Variants in CSMD1 observed in about 807,000 individuals in gnomAD.
The protein encoded by CSMD1 is CUB and sushi domain-containing protein 1.
Under a neutral mutation model 417.5 loss-of-function variants are expected in CSMD1, and 213 were observed. The ratio of observed to expected loss-of-function variants is 0.51; its 90% CI spans 0.46 to 0.57. The LOEUF (loss-of-function observed/expected upper bound fraction) is 0.57. Ranked by LOEUF, CSMD1 falls within the 20% of genes least tolerant of loss-of-function variation. CSMD1 has a pLI of 0.00. For synonymous variants in CSMD1, 2,862 were observed against 1,736.8 expected, an observed-to-expected ratio of 1.65 and a Z score of -16.11; for missense variants, 6,923 against 4,529.7, an observed-to-expected ratio of 1.53 and a Z score of -15.17.
chr8:3,022,190 A>C (rs1279687027), intron 51 of CSMD1, among the ~76,000 whole-genome samples: 2 of 147,290 alleles, frequency 1.4e-5, no homozygotes, highest in African/African-American at 5.1e-5. Flanking sequence ...ATCCCACAGC[A>C]TCCGGAATGC....
At chr8:3,295,286 G>C (rs1006852016) in intron 25 of CSMD1, among the ~76,000 whole-genome samples, 1 of 151,724 alleles carries the variant, frequency 6.6e-6, no homozygotes, top group Admixed American at 6.6e-5. Context: ...CACCACACAT[G>C]GCTAATTTTT....
chr8:3,462,340 G>A (rs1038703934), intron 12 of CSMD1, among the ~76,000 whole-genome samples: 4 of 152,126 alleles, frequency 2.6e-5, no homozygotes, highest in African/African-American at 9.7e-5. Flanking sequence ...CAACCCCCAG[G>A]CCAGGGACCA....
chr8:4,273,149 CTTACCT>C (rs1329383008), intron 3 of CSMD1, among the ~76,000 whole-genome samples: 4 of 152,104 alleles, frequency 2.6e-5, no homozygotes, highest in Non-Finnish European at 4.4e-5. Context: ...ACCATTTACT[CTTACCT>C]TTATCTTTTA....
chr8:4,230,872 G>A (rs867721081), intron 3 of CSMD1, among the ~76,000 whole-genome samples: 1 of 151,982 alleles, frequency 6.6e-6, no homozygotes, highest in Non-Finnish European at 1.5e-5. Context: ...TTCTTTAACG[G>A]CACTAACTTG....
At chr8:4,738,935 G>C (rs981178233) in intron 1 of CSMD1, among the ~76,000 whole-genome samples, 4 of 146,232 alleles carry the variant, frequency 2.7e-5, no homozygotes, top group African/African-American at 1.0e-4. Flanking sequence ...GTGTTAGAAG[G>C]CAATGTCCAA....
At position 4,117,005 on chromosome 8, in the gene CSMD1, T is replaced by G. The variant is rs535395769; in HGVS notation, c.416-84906A>C. Among the ~76,000 whole-genome samples the G allele has an allele frequency of 1.6e-4, 24 of 152,102 alleles. No homozygotes were observed. In the South Asian group the frequency reaches 4.4e-3, roughly 28 times the overall value. ...AGTGACTATCTTCAGTAAGATGGCC[T>G]GACGCTTAACCTTTTTTTTTCTTTT... is the stretch of plus-strand genomic sequence containing the variant. On this transcript the variant is annotated intron_variant, in intron 3 of 69. Transcript: ENST00000635120.
chr8:4,252,754 C>T (rs1230556062), intron 3 of CSMD1, among the ~76,000 whole-genome samples: 3 of 152,194 alleles, frequency 2.0e-5, no homozygotes, highest in Admixed American at 6.5e-5. Flanking sequence ...TTAGATGGGA[C>T]TGCAGTGGCA....
chr8:3,143,597 G>C (rs1818645157), intron 40 of CSMD1, among the ~76,000 whole-genome samples: 1 of 151,966 alleles, frequency 6.6e-6, no homozygotes, highest in Non-Finnish European at 1.5e-5. Context: ...AATTTATATA[G>C]AACTCCAAAG....
At chr8:3,409,945 C>G (rs920135407) in intron 12 of CSMD1, among the ~76,000 whole-genome samples, 1 of 152,148 alleles carries the variant, frequency 6.6e-6, no homozygotes, top group Non-Finnish European at 1.5e-5. Context: ...ATGCAAATAC[C>G]AGTTTAATTT....
chr8:4,787,679 C>T, intron 1 of CSMD1: 7 of 1,590,448 alleles, frequency 4.4e-6, no homozygotes, highest in Non-Finnish European at 6.0e-6. Context: ...TAAGTTTACC[C>T]ACCTAAAGTG....
At chr8:3,714,948 T>C (rs1236439977) in intron 6 of CSMD1, among the ~76,000 whole-genome samples, 1 of 152,216 alleles carries the variant, frequency 6.6e-6, no homozygotes, top group Non-Finnish European at 1.5e-5. Flanking sequence ...TCTAGGACTC[T>C]CTTTTTCTAG....
intron 2 of CSMD1, among the ~76,000 whole-genome samples, chr8:4,576,374 C>A (rs1461979802): frequency 4.6e-5 from 7 of 152,228 alleles, no homozygotes; most frequent in Admixed American, 2.0e-4. Context: ...AGGCATTTGG[C>A]CAAGACCTTC....
intron 2 of CSMD1, among the ~76,000 whole-genome samples, chr8:4,498,214 C>G (rs767494694): frequency 2.0e-5 from 3 of 152,090 alleles, no homozygotes; most frequent in Admixed American, 1.3e-4. Flanking sequence ...CGGGGTTGAA[C>G]GATGATTGTT....
rs150575928 is a variant in CSMD1, at chr8:4,450,220, A to G, written c.303-30155T>C. Among the ~76,000 whole-genome samples, 450 of 152,328 alleles carry G rather than the reference A, an allele frequency of 3.0e-3. 6 individuals are homozygous for G. The highest frequency in any genetic ancestry group is 0.01 in the African/African-American group (424 of 41,582). On this transcript the variant is annotated intron_variant, in intron 2 of 69. Coordinates refer to ENST00000635120, the MANE Select transcript of CSMD1 (RefSeq NM_033225.6). ...TGAAGTTACAGAGTACCTATATGTGAGGGAGACTAAGATGAAAGCAAAGAG... is the reference window on the plus strand; with the variant it reads ...TGAAGTTACAGAGTACCTATATGTGGGGGAGACTAAGATGAAAGCAAAGAG...
In CSMD1 at chr8:3,197,502, G is replaced by T. The variant is rs368742829; in HGVS notation, c.5194+2212C>A. 7.0e-3 allele frequency among the ~76,000 whole-genome samples: 931 copies of T among 133,864 alleles called. 12 individuals carry two copies. Among genetic ancestry groups the T allele is most frequent in the African/African-American group, 0.025 (858 of 34,954 alleles). 87.8% of individuals were successfully genotyped at this position (133,864 alleles called of 152,430 possible). ...TTTTTTTGAGACGGAGTCTCGCTCT[G>T]TCACCCAGGCTGGAGTGCAGTGGCG... On this transcript the variant is annotated intron_variant, in intron 33 of 69. Transcript: ENST00000635120.
At position 3,928,408 on chromosome 8, in the gene CSMD1, A is replaced by C. The variant is rs115230659; in HGVS notation, c.818+69495T>G. 6.5e-3 allele frequency among the ~76,000 whole-genome samples: 997 copies of C among 152,340 alleles called. 9 individuals are homozygous for C. The highest frequency in any genetic ancestry group is 0.023 in the African/African-American group (951 of 41,572). ...GTGTAGGTAGCAGTGAAATATCAGC[A>C]CAAGCAATGAGTCCTAACTTTTCAA... On this transcript the variant is annotated intron_variant, in intron 5 of 69. Transcript: ENST00000635120.
At chr8:3,605,484 C>G (rs139946577) in intron 8 of CSMD1, among the ~76,000 whole-genome samples, 120 of 152,206 alleles carry the variant, frequency 7.9e-4, no homozygotes, top group African/African-American at 2.7e-3. Context: ...CAATACGCTA[C>G]AAAAAATTAA....
At chr8:4,139,074 C>T (rs899423514) in intron 3 of CSMD1, among the ~76,000 whole-genome samples, 4 of 152,136 alleles carry the variant, frequency 2.6e-5, no homozygotes, top group East Asian at 3.9e-4. Context: ...AACAGAGCAA[C>T]AATGTCTTTT....
chr8:3,395,953 TTTA>T (rs1217108506), intron 17 of CSMD1, among the ~76,000 whole-genome samples: 3 of 152,228 alleles, frequency 2.0e-5, no homozygotes, highest in African/African-American at 4.8e-5. Flanking sequence ...TTTCATTGTT[TTTA>T]TTATTTTACT....
Sources: gnomAD v4.1 joint callset for allele counts (sites outside exome capture counted in the v4.1 genomes callset) on GRCh38, gnomAD v4.1.1 for gene constraint, MANE v1.5 for transcripts, NCBI Gene and HGNC (gene_info 2026-07-23, HGNC 2026-07-21) for gene names.